Variants in RIT2 observed in about 807,000 individuals in gnomAD.
RIT2 encodes the protein Ras like without CAAX 2.
A neutral mutation model predicts 23.7 loss-of-function variants in RIT2; 24 were observed. That is an observed-to-expected ratio of 1.01 (90% CI 0.73 to 1.43). The LOEUF is 1.43. Ranked by LOEUF, RIT2 falls within the 40% of genes most tolerant of loss-of-function variation. The pLI is 0.00. For synonymous variants in RIT2, 107 were observed against 91.1 expected, an observed-to-expected ratio of 1.17 and a Z score of -0.99; for missense variants, 236 against 266.9, an observed-to-expected ratio of 0.88 and a Z score of 0.81.
intron 4 of RIT2, among the ~76,000 whole-genome samples, chr18:42,866,274 A>T (rs2144056397): frequency 6.6e-6 from 1 of 152,316 alleles, no homozygotes; most frequent in East Asian, 1.9e-4. Context: ...CTTAATATTC[A>T]AAAAGGAACA....
At position 42,748,154 on chromosome 18, in the gene RIT2, C is replaced by T. The variant is rs75385033; in HGVS notation, c.427-4434G>A. 8.0e-4 allele frequency among the ~76,000 whole-genome samples: 121 copies of T among 151,656 alleles called. 2 individuals carry two copies. In the East Asian group the frequency reaches 0.02, roughly 25 times the overall value. ...CAATCCCATAGAGTGGAAGAAAACC[C>T]GCAAAGTGGAAGAAAATCTCCAGAG... On this transcript the variant is annotated intron_variant, in intron 4 of 4. Coordinates refer to ENST00000326695, the MANE Select transcript of RIT2 (RefSeq NM_002930.4).
At chr18:43,012,706 A>C (rs528481278) in intron 2 of RIT2, among the ~76,000 whole-genome samples, 82 of 142,856 alleles carry the variant, frequency 5.7e-4, no homozygotes, top group Admixed American at 1.8e-3. Flanking sequence ...GATTATAGAG[A>C]GTAATTTTTA....
At chr18:43,009,715 C>T (rs1156548299) in intron 2 of RIT2, among the ~76,000 whole-genome samples, 1 of 151,662 alleles carries the variant, frequency 6.6e-6, no homozygotes, top group African/African-American at 2.4e-5. Context: ...AAAACATGTT[C>T]CACCCACCAC....
intron 1 of RIT2, among the ~76,000 whole-genome samples, chr18:43,051,775 T>C (rs1377273119): frequency 2.6e-5 from 4 of 152,174 alleles, no homozygotes; most frequent in Non-Finnish European, 5.9e-5. Flanking sequence ...ATAAGCCTTG[T>C]TGTCTAACTT....
rs1307688181 is a variant in RIT2, at chr18:42,809,899, T to A, written c.427-66179A>T. Reference sequence around the variant, plus strand: ...TAATTTGTATATATGTTATATATATTATATATAATATATATAATTTGTATA... The same window carrying A: ...TAATTTGTATATATGTTATATATATAATATATAATATATATAATTTGTATA... On this transcript the variant is annotated intron_variant, in intron 4 of 4. Coordinates refer to ENST00000326695, the MANE Select transcript of RIT2 (RefSeq NM_002930.4). 2.1e-3 allele frequency among the ~76,000 whole-genome samples: 252 copies of A among 119,698 alleles called. 1 individual carries two copies. The highest frequency in any genetic ancestry group is 0.01 in the African/African-American group (243 of 23,920). 78.5% of individuals were successfully genotyped at this position (119,698 alleles called of 152,430 possible).
At chr18:42,840,673 G>C (rs1047010325) in intron 4 of RIT2, among the ~76,000 whole-genome samples, 4 of 152,070 alleles carry the variant, frequency 2.6e-5, no homozygotes, top group Non-Finnish European at 4.4e-5. Flanking sequence ...GGCTAATTTT[G>C]TATTTTTAAT....
At chr18:42,999,810 C>T (rs1253830659) in intron 2 of RIT2, among the ~76,000 whole-genome samples, 4 of 151,858 alleles carry the variant, frequency 2.6e-5, no homozygotes, top group Non-Finnish European at 5.9e-5. Flanking sequence ...GTTGTAATGC[C>T]GAAGAATGGC....
chr18:42,793,061 CA>C (rs140819429), intron 4 of RIT2, among the ~76,000 whole-genome samples: 3,845 of 148,744 alleles, frequency 0.026, 161 homozygotes, highest in African/African-American at 0.086. Flanking sequence ...CTAGAGCCCT[CA>C]AAAAAAAAAT....
chr18:42,978,766 C>T (rs1910530165), intron 2 of RIT2, among the ~76,000 whole-genome samples: 1 of 152,104 alleles, frequency 6.6e-6, no homozygotes, highest in Non-Finnish European at 1.5e-5. Flanking sequence ...CACTGTCCCT[C>T]TTCAGCAGAA....
At chr18:43,030,801 G>A (rs947002790) in intron 2 of RIT2, among the ~76,000 whole-genome samples, 5 of 152,028 alleles carry the variant, frequency 3.3e-5, no homozygotes, top group African/African-American at 9.7e-5. Flanking sequence ...TGAGATGCTG[G>A]TGGATCGGGT....
At chr18:42,788,318 T>G (rs1022019409) in intron 4 of RIT2, among the ~76,000 whole-genome samples, 1 of 152,168 alleles carries the variant, frequency 6.6e-6, no homozygotes, top group Non-Finnish European at 1.5e-5. Context: ...TTTAATAGCT[T>G]CTTCAGGTAG....
chr18:43,108,949 T>A (rs1191290202), intron 1 of RIT2, among the ~76,000 whole-genome samples: 1 of 152,226 alleles, frequency 6.6e-6, no homozygotes, highest in African/African-American at 2.4e-5. Context: ...GATGTGACAA[T>A]TGTTGAGCTT....
chr18:42,992,990 C>T (rs1259845853), intron 2 of RIT2, among the ~76,000 whole-genome samples: 1 of 152,208 alleles, frequency 6.6e-6, no homozygotes, highest in East Asian at 1.9e-4. Flanking sequence ...ACTTAATCAA[C>T]CTTGCCTACA....
intron 3 of RIT2, among the ~76,000 whole-genome samples, chr18:42,947,152 A>C (rs1416017295): frequency 6.6e-6 from 1 of 152,128 alleles, no homozygotes; most frequent in Non-Finnish European, 1.5e-5. Context: ...GCATTTAGAC[A>C]TATGGATATG....
chr18:42,915,410 A>G (rs927064355), intron 4 of RIT2, among the ~76,000 whole-genome samples: 4 of 152,100 alleles, frequency 2.6e-5, no homozygotes, highest in African/African-American at 9.7e-5. Flanking sequence ...AAGGTTAGTT[A>G]AGAGTGGTAT....
At chr18:42,751,627 T>C (rs549679942) in intron 4 of RIT2, among the ~76,000 whole-genome samples, 24 of 152,134 alleles carry the variant, frequency 1.6e-4, no homozygotes, top group Non-Finnish European at 2.7e-4. Context: ...ACTTAAATTG[T>C]GCCTACTCAT....
Position 42,827,781 on chromosome 18 carries a change from G to A in RIT2, c.427-84061C>T, listed in dbSNP as rs779490059. Among the ~76,000 whole-genome samples the A allele has an allele frequency of 2.3e-4, 35 of 151,906 alleles. No individual in the cohort carries two copies. In the Middle Eastern group the frequency reaches 0.014, roughly 59 times the overall value. ...AGCACTTTGGGAGGCCGAGGCGGGC[G>A]GATCACGAGGTCAGGAAATCAAGAC... is the stretch of plus-strand genomic sequence containing the variant. On this transcript the variant is annotated intron_variant, in intron 4 of 4. Transcript: ENST00000326695.
At chr18:42,856,313 A>G (rs989702324) in intron 4 of RIT2, among the ~76,000 whole-genome samples, 1 of 152,244 alleles carries the variant, frequency 6.6e-6, no homozygotes, top group Non-Finnish European at 1.5e-5. Flanking sequence ...AGAGGCCAAG[A>G]ACAATCTAGG....
At chr18:42,809,200 G>C (rs1025342970) in intron 4 of RIT2, among the ~76,000 whole-genome samples, 1 of 152,064 alleles carries the variant, frequency 6.6e-6, no homozygotes, top group African/African-American at 2.4e-5. Flanking sequence ...TTTAGTGTTG[G>C]AAGGAAACTC....
Sources: gnomAD v4.1 joint callset for allele counts (sites outside exome capture counted in the v4.1 genomes callset) on GRCh38, gnomAD v4.1.1 for gene constraint, MANE v1.5 for transcripts, NCBI Gene and HGNC (gene_info 2026-07-23, HGNC 2026-07-21) for gene names.